ERBB4: variants seen among roughly 807,000 people sequenced by gnomAD.
ERBB4 encodes the protein receptor tyrosine-protein kinase erbB-4.
ERBB4 carries 42 observed loss-of-function variants against 158.0 expected under a neutral mutation model. That is an observed-to-expected ratio of 0.27 (90% CI 0.21 to 0.34). ERBB4 has a LOEUF of 0.34. Ranked by LOEUF, ERBB4 falls within the 10% of genes least tolerant of loss-of-function variation. The pLI, the probability that ERBB4 is intolerant of heterozygous loss-of-function variation, is 1.00. For synonymous variants in ERBB4, 583 were observed against 558.7 expected (o/e 1.04, Z -0.61); for missense variants, 1,333 against 1,624.1 (o/e 0.82, Z 3.08).
intron 19 of ERBB4, among the ~76,000 whole-genome samples, chr2:211,564,122 A>G (rs1440157283): frequency 1.3e-5 from 2 of 152,230 alleles, no homozygotes; most frequent in Non-Finnish European, 2.9e-5. Flanking sequence ...GAAAGGAGGC[A>G]ATAAAGATAG....
chr2:212,255,999 TTA>T (rs770898538), intron 1 of ERBB4, among the ~76,000 whole-genome samples: 3,447 of 50,756 alleles, frequency 0.068, 126 homozygotes, highest in African/African-American at 0.14. Flanking sequence ...TTTTATTTAT[TTA>T]TTTTTTTTTT....
intron 1 of ERBB4, among the ~76,000 whole-genome samples, chr2:212,174,112 A>C (rs1384780967): frequency 6.6e-6 from 1 of 152,086 alleles, no homozygotes; most frequent in Non-Finnish European, 1.5e-5. Context: ...TAAAAATTAG[A>C]GGGAGACGTA....
chr2:212,307,413 T>A (rs1415417166), intron 1 of ERBB4, among the ~76,000 whole-genome samples: 2 of 150,934 alleles, frequency 1.3e-5, no homozygotes, highest in African/African-American at 4.9e-5. Flanking sequence ...TTTAAAAATA[T>A]ATTGCAATAG....
chr2:212,148,645 T>C (rs952362589), intron 1 of ERBB4, among the ~76,000 whole-genome samples: 6 of 152,136 alleles, frequency 3.9e-5, no homozygotes, highest in African/African-American at 1.4e-4. Flanking sequence ...TTAAGAATAG[T>C]AAATAAACAA....
intron 1 of ERBB4, among the ~76,000 whole-genome samples, chr2:212,456,376 T>C (rs1345760362): frequency 1.3e-5 from 2 of 152,034 alleles, no homozygotes; most frequent in African/African-American, 4.8e-5. Context: ...TGTAAAATAT[T>C]TTTGGAGCCC....
At chr2:211,444,748 A>G (rs1274388503) in intron 20 of ERBB4, among the ~76,000 whole-genome samples, 1 of 152,078 alleles carries the variant, frequency 6.6e-6, no homozygotes, top group African/African-American at 2.4e-5. Context: ...TTATGTGCTG[A>G]ACACTCTGCT....
intron 1 of ERBB4, among the ~76,000 whole-genome samples, chr2:212,499,304 TTAAA>T (rs2106233111): frequency 6.6e-6 from 1 of 152,160 alleles, no homozygotes; most frequent in East Asian, 1.9e-4. Context: ...ATCTATAATA[TTAAA>T]TATATAAAGT....
chr2:212,132,483 T>C (rs2080135556), intron 1 of ERBB4, among the ~76,000 whole-genome samples: 1 of 152,146 alleles, frequency 6.6e-6, no homozygotes, highest in Non-Finnish European at 1.5e-5. Context: ...GTGAGTATTA[T>C]CCAATCTGTT....
At chr2:211,498,057 A>C (rs1156352630) in intron 20 of ERBB4, among the ~76,000 whole-genome samples, 1 of 152,072 alleles carries the variant, frequency 6.6e-6, no homozygotes, top group Non-Finnish European at 1.5e-5. Flanking sequence ...GTTTTTAATA[A>C]AGAAGATGCC....
rs74365889 is a variant in ERBB4, at chr2:212,084,874, G to A, written c.234+39878C>T. Among the ~76,000 whole-genome samples, 694 of 152,098 alleles carry A rather than the reference G, an allele frequency of 4.6e-3. 5 individuals are homozygous for A. Among genetic ancestry groups the A allele is most frequent in the African/African-American group, 0.016 (661 of 41,534 alleles). On this transcript the variant is annotated intron_variant, in intron 2 of 27. Coordinates refer to ENST00000342788, the MANE Select transcript of ERBB4 (RefSeq NM_005235.3). ...TCCCTAGTAGGGAGGAAAGATGGTA[G>A]AAAGAGCATGATATTGGGATCATGA...
chr2:212,071,313 GAA>G (rs35559308), intron 2 of ERBB4, among the ~76,000 whole-genome samples: 17,667 of 146,238 alleles, frequency 0.12, 1,555 homozygotes, highest in South Asian at 0.3. Context: ...CAGAAGAAAT[GAA>G]AAAAAAAAAA....
At chr2:211,399,677 A>T (rs80160715) in intron 25 of ERBB4, among the ~76,000 whole-genome samples, 212 of 152,286 alleles carry the variant, frequency 1.4e-3, no homozygotes, top group African/African-American at 4.6e-3. Flanking sequence ...TGGGTGAGTG[A>T]TTCTGAATGC....
At chr2:211,801,329 A>T (rs552306241) in intron 3 of ERBB4, among the ~76,000 whole-genome samples, 42 of 152,288 alleles carry the variant, frequency 2.8e-4, no homozygotes, top group African/African-American at 9.6e-4. Context: ...TACTGGATTA[A>T]ATACCGCTCA....
chr2:212,160,578 T>C (rs185262837), intron 1 of ERBB4, among the ~76,000 whole-genome samples: 107 of 152,150 alleles, frequency 7.0e-4, no homozygotes, highest in Admixed American at 5.4e-3. Context: ...GCCCACATTT[T>C]TATGACGCAG....
chr2:212,412,439 C>G (rs2091526199), intron 1 of ERBB4, among the ~76,000 whole-genome samples: 1 of 152,162 alleles, frequency 6.6e-6, no homozygotes. Context: ...GACTCCTTCT[C>G]TTTTGCTCCT....
chr2:211,717,478 A>G (rs2073955752), intron 7 of ERBB4, among the ~76,000 whole-genome samples: 2 of 152,230 alleles, frequency 1.3e-5, no homozygotes, highest in Non-Finnish European at 2.9e-5. Flanking sequence ...ACTTTAATGG[A>G]TATGAACGTG....
intron 20 of ERBB4, among the ~76,000 whole-genome samples, chr2:211,510,161 T>C (rs565819932): frequency 3.2e-4 from 48 of 152,186 alleles, no homozygotes; most frequent in Non-Finnish European, 5.7e-4. Flanking sequence ...CTATTCACAA[T>C]AGCAAAGTCA....
chr2:211,513,596 T>TA (rs1374099743), intron 20 of ERBB4, among the ~76,000 whole-genome samples: 1 of 152,084 alleles, frequency 6.6e-6, no homozygotes, highest in Non-Finnish European at 1.5e-5. Context: ...AGCATTAAGC[T>TA]TGGGGATAGG....
intron 1 of ERBB4, among the ~76,000 whole-genome samples, chr2:212,514,986 A>T (rs1691742453): frequency 6.6e-6 from 1 of 152,246 alleles, no homozygotes. Flanking sequence ...AAATATTTTT[A>T]AAAGGAGCAT....
Sources: allele counts gnomAD v4.1 joint callset (sites outside exome capture counted in the v4.1 genomes callset), GRCh38; gene constraint gnomAD v4.1.1; transcripts MANE v1.5; gene names NCBI Gene and HGNC (gene_info 2026-07-23, HGNC 2026-07-21).